GLIS3: variants seen among roughly 807,000 people sequenced by gnomAD.
The protein encoded by GLIS3 is GLIS family zinc finger 3.
A neutral mutation model predicts 78.6 loss-of-function variants in GLIS3; 53 were observed. The observed-to-expected ratio is 0.67, with a 90% CI of 0.54 to 0.85. The LOEUF (loss-of-function observed/expected upper bound fraction) is 0.85, where lower values mean the gene tolerates loss of function less well. Ranked by LOEUF, GLIS3 falls within the 40% of genes least tolerant of loss-of-function variation. The pLI, the probability that GLIS3 is intolerant of heterozygous loss-of-function variation, is 0.00. For synonymous variants in GLIS3, 684 were observed against 509.9 expected (o/e 1.34, Z -4.60); for missense variants, 1,703 against 1,231.1 (o/e 1.38, Z -5.74).
At chr9:3,910,370 G>C (rs1824051704) in intron 6 of GLIS3, among the ~76,000 whole-genome samples, 1 of 151,988 alleles carries the variant, frequency 6.6e-6, no homozygotes. Flanking sequence ...TATTTATTTT[G>C]AGACAGTCTT....
At chr9:3,922,928 T>C (rs1389330759) in intron 6 of GLIS3, among the ~76,000 whole-genome samples, 2 of 152,168 alleles carry the variant, frequency 1.3e-5, no homozygotes, top group Non-Finnish European at 2.9e-5. Context: ...CAGTTGGAGT[T>C]AGGATGGGGT....
chr9:4,020,806 G>A lies in GLIS3; in HGVS notation c.1711-83617C>T, dbSNP rs191445295. 1.5e-3 allele frequency among the ~76,000 whole-genome samples: 222 copies of A among 152,306 alleles called. 2 individuals are homozygous for A. The highest frequency in any genetic ancestry group is 5.2e-3 in the African/African-American group (217 of 41,562). On this transcript the variant is annotated intron_variant, in intron 4 of 10. Transcript: ENST00000381971. The stretch of plus-strand genomic sequence containing the variant: ...AATAATTACCAGCAGCACACATGGA[G>A]GACTGTGTTTCAAATTCTCTCTTGC...
intron 4 of GLIS3, among the ~76,000 whole-genome samples, chr9:3,989,750 T>A (rs1237609479): frequency 6.6e-6 from 1 of 152,202 alleles, no homozygotes; most frequent in African/African-American, 2.4e-5. Context: ...AGTAGGTGGA[T>A]GTATTTATTA....
At chr9:3,862,090 A>G (rs1043435941) in intron 8 of GLIS3, among the ~76,000 whole-genome samples, 4 of 152,180 alleles carry the variant, frequency 2.6e-5, no homozygotes, top group Non-Finnish European at 5.9e-5. Context: ...CCACAAATTC[A>G]TACAATTATA....
chr9:3,881,741 G>A (rs980375575), intron 7 of GLIS3, among the ~76,000 whole-genome samples: 16 of 152,086 alleles, frequency 1.1e-4, no homozygotes, highest in African/African-American at 2.4e-4. Flanking sequence ...TGTCTATTAC[G>A]TACTTGATAC....
chr9:4,412,920 C>G, the GLIS3 span, among the ~76,000 whole-genome samples: 19 of 152,158 alleles, frequency 1.2e-4, no homozygotes, highest in African/African-American at 4.3e-4. Flanking sequence ...GATGAAAGAC[C>G]TATGTCAGCT....
At chr9:4,386,104 C>G in the GLIS3 span, among the ~76,000 whole-genome samples, 2 of 152,106 alleles carry the variant, frequency 1.3e-5, no homozygotes, top group Non-Finnish European at 2.9e-5. Context: ...TTGGATTATT[C>G]CCTTTATTGT....
chr9:3,895,702 T>C (rs1194232703), intron 7 of GLIS3, among the ~76,000 whole-genome samples: 4 of 152,244 alleles, frequency 2.6e-5, no homozygotes, highest in African/African-American at 9.6e-5. Flanking sequence ...CCATCTTCCC[T>C]GTTCATCTTC....
the GLIS3 span, among the ~76,000 whole-genome samples, chr9:4,429,935 G>C: frequency 4.6e-5 from 7 of 152,054 alleles, no homozygotes; most frequent in East Asian, 1.3e-3. Context: ...AAGGAAACTA[G>C]AGACATCAAA....
At chr9:3,980,141 T>C (rs1819133773) in intron 4 of GLIS3, among the ~76,000 whole-genome samples, 1 of 152,198 alleles carries the variant, frequency 6.6e-6, no homozygotes, top group Non-Finnish European at 1.5e-5. Flanking sequence ...ACACAGGCCC[T>C]ATATCATATT....
At chr9:4,029,517 T>C (rs1258710635) in intron 4 of GLIS3, among the ~76,000 whole-genome samples, 1 of 152,206 alleles carries the variant, frequency 6.6e-6, no homozygotes, top group African/African-American at 2.4e-5. Context: ...GGTGACACCG[T>C]GGTGCCATTG....
chr9:4,365,964 T>C, the GLIS3 span, among the ~76,000 whole-genome samples: 1 of 152,194 alleles, frequency 6.6e-6, no homozygotes, highest in African/African-American at 2.4e-5. Flanking sequence ...AAATTCTTTG[T>C]TTCAAACTCA....
the GLIS3 span, among the ~76,000 whole-genome samples, chr9:4,389,764 A>G: frequency 6.6e-6 from 1 of 152,222 alleles, no homozygotes; most frequent in East Asian, 1.9e-4. Flanking sequence ...AGTGCAGTGA[A>G]TAAGCAGATG....
chr9:4,440,401 A>T, the GLIS3 span, among the ~76,000 whole-genome samples: 1 of 152,108 alleles, frequency 6.6e-6, no homozygotes, highest in African/African-American at 2.4e-5. Context: ...CTGCCTGTGG[A>T]TATCCTGTTT....
intron 5 of GLIS3, among the ~76,000 whole-genome samples, chr9:3,933,748 T>G (rs1351370148): frequency 1.3e-5 from 2 of 152,218 alleles, no homozygotes; most frequent in Non-Finnish European, 2.9e-5. Context: ...CTTTTTAATG[T>G]TGCTTCTGTT....
chr9:4,263,026 A>G (rs950804273), intron 2 of GLIS3, among the ~76,000 whole-genome samples: 7 of 152,252 alleles, frequency 4.6e-5, no homozygotes, highest in Admixed American at 4.6e-4. Context: ...GGAAAAAGGC[A>G]AGGCTAGAAT....
the GLIS3 span, among the ~76,000 whole-genome samples, chr9:4,463,454 C>A: frequency 6.6e-6 from 1 of 152,152 alleles, no homozygotes; most frequent in Non-Finnish European, 1.5e-5. Flanking sequence ...TCCCCCAGGC[C>A]CTGAAAATAT....
chr9:4,409,483 C>T, the GLIS3 span, among the ~76,000 whole-genome samples: 6 of 152,056 alleles, frequency 3.9e-5, no homozygotes, highest in African/African-American at 1.5e-4. Context: ...GCTCAATTTG[C>T]CCTTGTCATA....
At chr9:3,997,893 GA>G (rs928188659) in intron 4 of GLIS3, among the ~76,000 whole-genome samples, 2 of 150,530 alleles carry the variant, frequency 1.3e-5, no homozygotes, top group East Asian at 1.9e-4. Context: ...ATCAGGATTA[GA>G]AAAAAAAGCC....
Sources: gnomAD v4.1 joint callset for allele counts (sites outside exome capture counted in the v4.1 genomes callset) on GRCh38, gnomAD v4.1.1 for gene constraint, MANE v1.5 for transcripts, NCBI Gene and HGNC (gene_info 2026-07-23, HGNC 2026-07-21) for gene names.